Variants in SDK1 observed in about 807,000 individuals in gnomAD.
SDK1 encodes the protein sidekick cell adhesion molecule 1.
SDK1 carries 157 observed loss-of-function variants against 245.5 expected under a neutral mutation model. The ratio of observed to expected loss-of-function variants is 0.64; its 90% confidence interval spans 0.56 to 0.73. The LOEUF is 0.73. SDK1 is among the 30% of genes least tolerant of loss of function. The pLI is 0.00. For missense variants in SDK1, 3,583 were observed against 3,002.3 expected (o/e 1.19, Z -4.52); for synonymous variants, 1,647 against 1,278.5 (o/e 1.29, Z -6.15).
intron 17 of SDK1, among the ~76,000 whole-genome samples, chr7:4,018,975 C>T (rs150699551): frequency 1.2e-4 from 19 of 152,258 alleles, no homozygotes; most frequent in African/African-American, 3.6e-4. Context: ...TTAGGTGGGA[C>T]GCCATTGTTT....
At chr7:3,700,220 C>T (rs75984750) in intron 4 of SDK1, among the ~76,000 whole-genome samples, 4,867 of 152,106 alleles carry the variant, frequency 0.032, 99 homozygotes, top group Middle Eastern at 0.051. Flanking sequence ...ACTCCATAAA[C>T]GATTTTTTAT....
At chr7:4,204,629 T>C (rs540282989) in intron 35 of SDK1, among the ~76,000 whole-genome samples, 2 of 152,312 alleles carry the variant, frequency 1.3e-5, no homozygotes, top group African/African-American at 2.4e-5. Flanking sequence ...GGACAGCGAC[T>C]GTTTTATCGT....
At chr7:3,714,085 A>G (rs1583333512) in intron 4 of SDK1, among the ~76,000 whole-genome samples, 1 of 152,230 alleles carries the variant, frequency 6.6e-6, no homozygotes, top group Admixed American at 6.5e-5. Context: ...GCCTGACAGC[A>G]AAGGAGGAAG....
chr7:3,502,772 TAAC>T (rs753378001), intron 1 of SDK1, among the ~76,000 whole-genome samples: 3 of 152,230 alleles, frequency 2.0e-5, no homozygotes, highest in Non-Finnish European at 2.9e-5. Context: ...TCAGGCTAAT[TAAC>T]AACACATTTC....
chr7:3,941,469 C>T (rs1780365533), intron 5 of SDK1, among the ~76,000 whole-genome samples: 1 of 152,138 alleles, frequency 6.6e-6, no homozygotes, highest in South Asian at 2.1e-4. Flanking sequence ...CCCCCCACTG[C>T]CCCTCAACCA....
At position 3,528,129 on chromosome 7, in the gene SDK1, G is replaced by A. The variant is rs188124020; in HGVS notation, c.299-90951G>A. ...GTAAGGTTGGATCATAGCCAGCTAC[G>A]GGGTGAATGGTAGGAGGTAAGGTTG... On this transcript the variant is annotated intron_variant, in intron 1 of 44. Coordinates refer to ENST00000404826, the MANE Select transcript of SDK1 (RefSeq NM_152744.4). Among the ~76,000 whole-genome samples the A allele has an allele frequency of 9.3e-4, 134 of 144,784 alleles. 1 individual carries two copies. The highest frequency in any genetic ancestry group is 1.7e-4 in the Non-Finnish European group (11 of 65,868). 95.0% of individuals were successfully genotyped at this position (144,784 alleles called of 152,430 possible).
At position 4,193,373 on chromosome 7, in the gene SDK1, TA is replaced by T. The variant is rs1459514385; in HGVS notation, c.5099-12505del. 4.2e-3 allele frequency among the ~76,000 whole-genome samples: 15 copies of T among 3,532 alleles called. No individual in the cohort carries two copies. In the South Asian group the frequency reaches 0.068, roughly 16 times the overall value. The allele number at this position is 3,532 out of a possible 152,430, so 2.3% of individuals were successfully genotyped here. On this transcript the variant is annotated intron_variant, in intron 35 of 44. Transcript: ENST00000404826. ...ATATATTTATATATATTAAAATATTTATATATATATATATATATATATATAA... is the reference window on the plus strand; with the variant it reads ...ATATATTTATATATATTAAAATATTTTATATATATATATATATATATATAA...
At chr7:3,550,885 T>C (rs1779381298) in intron 1 of SDK1, among the ~76,000 whole-genome samples, 1 of 152,238 alleles carries the variant, frequency 6.6e-6, no homozygotes, top group Admixed American at 6.5e-5. Context: ...GCAATACTGC[T>C]GTGGAGCCTA....
chr7:4,203,671 A>G (rs925099799), intron 35 of SDK1, among the ~76,000 whole-genome samples: 4 of 152,150 alleles, frequency 2.6e-5, no homozygotes, highest in African/African-American at 9.7e-5. Context: ...GGAGAGTTGC[A>G]CCGGGGCTTG....
chr7:4,036,573 T>G (rs1315302682), intron 17 of SDK1, among the ~76,000 whole-genome samples: 2 of 152,216 alleles, frequency 1.3e-5, no homozygotes, highest in Non-Finnish European at 2.9e-5. Context: ...ACGTACACGT[T>G]AGTATATGCC....
chr7:3,467,768 T>G (rs1323862303), intron 1 of SDK1, among the ~76,000 whole-genome samples: 1 of 152,144 alleles, frequency 6.6e-6, no homozygotes, highest in East Asian at 1.9e-4. Flanking sequence ...GTAAAGCATT[T>G]GAGATTGGAT....
chr7:3,506,788 A>T (rs529555969), intron 1 of SDK1, among the ~76,000 whole-genome samples: 1 of 151,098 alleles, frequency 6.6e-6, no homozygotes, highest in African/African-American at 2.4e-5. Flanking sequence ...TCAACTCCAG[A>T]TGTTTGATTT....
At chr7:3,960,888 A>G (rs189167667) in intron 8 of SDK1, among the ~76,000 whole-genome samples, 6 of 152,370 alleles carry the variant, frequency 3.9e-5, no homozygotes, top group Admixed American at 2.6e-4. Context: ...TAAAATATTT[A>G]GCGAGCTTAT....
chr7:3,883,757 G>A (rs930769914), intron 5 of SDK1, among the ~76,000 whole-genome samples: 5 of 147,644 alleles, frequency 3.4e-5, no homozygotes, highest in South Asian at 2.1e-4. Flanking sequence ...CCTCCACGGT[G>A]GTTCTTGAAT....
At chr7:3,430,837 G>A (rs1304541541) in intron 1 of SDK1, among the ~76,000 whole-genome samples, 1 of 152,222 alleles carries the variant, frequency 6.6e-6, no homozygotes, top group African/African-American at 2.4e-5. Flanking sequence ...GGGGCTGCCT[G>A]CAGAGCTGTG....
chr7:3,598,347 C>G (rs945765386), intron 1 of SDK1, among the ~76,000 whole-genome samples: 1 of 152,114 alleles, frequency 6.6e-6, no homozygotes, highest in African/African-American at 2.4e-5. Flanking sequence ...TACTCTGTGG[C>G]TTTCTTATTC....
At chr7:3,712,057 CA>C (rs1202872002) in intron 4 of SDK1, among the ~76,000 whole-genome samples, 2 of 152,166 alleles carry the variant, frequency 1.3e-5, no homozygotes, top group Non-Finnish European at 2.9e-5. Flanking sequence ...TGGAGAAAAG[CA>C]AATGCTCTAC....
intron 1 of SDK1, among the ~76,000 whole-genome samples, chr7:3,464,313 C>T (rs771914041): frequency 6.6e-6 from 1 of 152,060 alleles, no homozygotes; most frequent in Non-Finnish European, 1.5e-5. Flanking sequence ...TGCTTGAGGC[C>T]GGGAGTTCTA....
chr7:4,216,743 G>A (rs1784819137), intron 38 of SDK1, among the ~76,000 whole-genome samples: 1 of 152,198 alleles, frequency 6.6e-6, no homozygotes, highest in African/African-American at 2.4e-5. Flanking sequence ...AACCAGGTCT[G>A]TGCCTGACAT....
Sources: allele counts gnomAD v4.1 joint callset (sites outside exome capture counted in the v4.1 genomes callset), GRCh38; gene constraint gnomAD v4.1.1; transcripts MANE v1.5; gene names NCBI Gene and HGNC (gene_info 2026-07-23, HGNC 2026-07-21).